The following ULK4 variants were observed in gnomAD, a reference collection of about 807,000 sequenced individuals.
ULK4 encodes the protein unc-51 like kinase 4.
A neutral mutation model predicts 160.6 loss-of-function variants in ULK4; 133 were observed. The ratio of observed to expected loss-of-function variants is 0.83; its 90% CI spans 0.72 to 0.96. The LOEUF (loss-of-function observed/expected upper bound fraction) is 0.96, where lower values mean the gene tolerates loss of function less well. Among genes scored for constraint, ULK4 ranks in the 40% least tolerant of loss-of-function variants. The probability of loss-of-function intolerance (pLI) is 0.00; values close to 1 mark genes in which losing one functional copy is unlikely to be tolerated. For synonymous variants in ULK4, 534 were observed against 539.8 expected, an observed-to-expected ratio of 0.99 and a Z score of 0.15; for missense variants, 1,580 against 1,499.5, an observed-to-expected ratio of 1.05 and a Z score of -0.89.
chr3:41,469,602 C>CAAAAAAAAA (rs71616008), intron 32 of ULK4, among the ~76,000 whole-genome samples: 9 of 11,312 alleles, frequency 8.0e-4, no homozygotes, highest in East Asian at 1.6e-3. Context: ...CTACACCTGC[C>CAAAAAAAAA]AAAAAAAAAA....
chr3:41,395,464 C>T (rs2082038934), intron 35 of ULK4, among the ~76,000 whole-genome samples: 1 of 152,092 alleles, frequency 6.6e-6, no homozygotes, highest in Non-Finnish European at 1.5e-5. Context: ...GAAATTCTAG[C>T]ACGTGCTACA....
At chr3:41,728,587 T>C (rs1351274317) in intron 22 of ULK4, among the ~76,000 whole-genome samples, 1 of 151,868 alleles carries the variant, frequency 6.6e-6, no homozygotes, top group African/African-American at 2.4e-5. Flanking sequence ...CTAGAAGCCA[T>C]TAGATTAAAT....
chr3:41,714,852 TA>T (rs60470015), intron 25 of ULK4, among the ~76,000 whole-genome samples: 168 of 131,022 alleles, frequency 1.3e-3, no homozygotes, highest in Admixed American at 2.1e-3. Flanking sequence ...ACTCTGTCTT[TA>T]AAAAAAAAAA....
At chr3:41,683,256 A>G (rs1046107066) in intron 27 of ULK4, among the ~76,000 whole-genome samples, 1 of 152,074 alleles carries the variant, frequency 6.6e-6, no homozygotes, top group African/African-American at 2.4e-5. Flanking sequence ...ATCAAACCAA[A>G]GTTGTGGAGT....
chr3:41,314,144 A>T (rs997434321), intron 35 of ULK4, among the ~76,000 whole-genome samples: 7 of 152,208 alleles, frequency 4.6e-5, no homozygotes, highest in Admixed American at 1.3e-4. Flanking sequence ...GCCCAACTCA[A>T]ACTACAGATC....
chr3:41,317,893 G>T (rs2080175799), intron 35 of ULK4, among the ~76,000 whole-genome samples: 1 of 152,182 alleles, frequency 6.6e-6, no homozygotes. Context: ...CTGAGGTTGG[G>T]AAAGTTGCTG....
intron 35 of ULK4, among the ~76,000 whole-genome samples, chr3:41,296,868 C>T (rs545705477): frequency 6.6e-6 from 1 of 151,940 alleles, no homozygotes; most frequent in Admixed American, 6.5e-5. Context: ...ACAAGTGAAC[C>T]TGGAGAGGAA....
intron 35 of ULK4, among the ~76,000 whole-genome samples, chr3:41,298,350 G>C (rs2079713868): frequency 6.6e-6 from 1 of 152,080 alleles, no homozygotes; most frequent in Admixed American, 6.6e-5. Context: ...AAGAGTTTAG[G>C]GATCACTATT....
At chr3:41,492,590 A>C (rs900564442) in intron 32 of ULK4, among the ~76,000 whole-genome samples, 3 of 150,554 alleles carry the variant, frequency 2.0e-5, no homozygotes, top group Non-Finnish European at 4.4e-5. Flanking sequence ...TTAACTTTAA[A>C]TGTAATTGGA....
intron 32 of ULK4, among the ~76,000 whole-genome samples, chr3:41,565,282 A>C (rs2087746484): frequency 6.6e-6 from 1 of 152,246 alleles, no homozygotes; most frequent in Admixed American, 6.5e-5. Flanking sequence ...TAAGATATAA[A>C]GTAAACCACT....
At chr3:41,844,338 G>A (rs907854989) in intron 17 of ULK4, among the ~76,000 whole-genome samples, 5 of 152,184 alleles carry the variant, frequency 3.3e-5, no homozygotes, top group Admixed American at 6.5e-5. Flanking sequence ...AAGGCCGGGC[G>A]AGAAATCGAG....
Position 41,787,948 on chromosome 3 carries a change from C to T in ULK4, c.2193+1713G>A, listed in dbSNP as rs2040044030. On this transcript the variant is annotated intron_variant, in intron 21 of 36. Coordinates refer to ENST00000301831, the MANE Select transcript of ULK4 (RefSeq NM_017886.4). ...ATCCATGCCTGTGCTGAAGGTAAAA[C>T]ACACACACACACAAATTCTTCTAAA... is the stretch of plus-strand genomic sequence containing the variant. Among the ~76,000 whole-genome samples the T allele has an allele frequency of 4.6e-5, 7 of 151,850 alleles. No individual in the cohort carries two copies. The South Asian group carries it at 1.5e-3, about 32-fold the overall frequency.
intron 32 of ULK4, among the ~76,000 whole-genome samples, chr3:41,531,525 A>G (rs949548630): frequency 2.5e-5 from 2 of 78,838 alleles, no homozygotes; most frequent in Non-Finnish European, 5.3e-5. Flanking sequence ...AAAGAAAAAG[A>G]AAAAAAAAAG....
intron 35 of ULK4, among the ~76,000 whole-genome samples, chr3:41,250,117 C>T (rs1295779575): frequency 6.6e-6 from 1 of 152,132 alleles, no homozygotes; most frequent in East Asian, 1.9e-4. Context: ...TTGGGCATGC[C>T]TGACTCTGTA....
intron 22 of ULK4, among the ~76,000 whole-genome samples, chr3:41,741,307 T>C (rs1182685388): frequency 2.6e-5 from 4 of 151,968 alleles, no homozygotes; most frequent in African/African-American, 9.7e-5. Context: ...TACAAATACA[T>C]GCAAATAGAA....
At chr3:41,266,318 GA>G (rs2079032135) in intron 35 of ULK4, among the ~76,000 whole-genome samples, 2 of 152,216 alleles carry the variant, frequency 1.3e-5, no homozygotes, top group South Asian at 4.1e-4. Flanking sequence ...CAGGACAGCA[GA>G]GCTATGGTCC....
chr3:41,741,233 C>A (rs897276972), intron 22 of ULK4, among the ~76,000 whole-genome samples: 4 of 151,876 alleles, frequency 2.6e-5, no homozygotes, highest in Non-Finnish European at 4.4e-5. Context: ...ATCTCACCAT[C>A]ACATCCTCCT....
At chr3:41,857,613 G>A (rs551677895) in intron 17 of ULK4, among the ~76,000 whole-genome samples, 2 of 152,246 alleles carry the variant, frequency 1.3e-5, no homozygotes, top group South Asian at 4.1e-4. Flanking sequence ...TCTTTACTGG[G>A]AGACTTTTAT....
intron 30 of ULK4, among the ~76,000 whole-genome samples, chr3:41,629,242 G>A (rs1313244926): frequency 6.6e-6 from 1 of 152,162 alleles, no homozygotes; most frequent in Non-Finnish European, 1.5e-5. Context: ...CAAAAGCTGT[G>A]GGGGATGGGA....
Sources: allele counts gnomAD v4.1 joint callset (sites outside exome capture counted in the v4.1 genomes callset), GRCh38; gene constraint gnomAD v4.1.1; transcripts MANE v1.5; gene names NCBI Gene and HGNC (gene_info 2026-07-23, HGNC 2026-07-21).